Variants in ALOX12 observed in about 807,000 individuals in gnomAD.
ALOX12 encodes arachidonate 12-lipoxygenase, 12S type.
In ALOX12, 62 loss-of-function variants were observed where a neutral mutation model predicts 85.5. The ratio of observed to expected loss-of-function variants is 0.73; its 90% CI spans 0.59 to 0.90. ALOX12 has a LOEUF of 0.90. Among genes scored for constraint, ALOX12 ranks in the 40% least tolerant of loss-of-function variants. The probability of loss-of-function intolerance (pLI) is 0.00; values close to 1 mark genes in which losing one functional copy is unlikely to be tolerated. For missense variants in ALOX12, 751 were observed against 856.5 expected, an observed-to-expected ratio of 0.88 and a Z score of 1.54; for synonymous variants, 299 against 332.7, an observed-to-expected ratio of 0.90 and a Z score of 1.10.
intron 1 of ALOX12, 32 bp from the exon 2 acceptor site, chr17:6,996,794 T>C: frequency 6.3e-7 from 1 of 1,588,366 alleles, no homozygotes; most frequent in Non-Finnish European, 8.6e-7. Context: ...GGGTCCCTCC[T>C]ACTAAGTCTG....
Position 6,996,960 on chromosome 17 carries a change from G to A in ALOX12, c.270G>A (p.Ala90=). The A allele has an allele frequency of 1.3e-6, 2 of 1,590,198 alleles. No individual in the cohort carries two copies. The highest frequency in any genetic ancestry group is 1.1e-5 in the South Asian group (1 of 87,906). The change falls in exon 2 of 14, where the codon GCG becomes GCA. Residue 90 remains alanine (A), a synonymous_variant. Transcript: ENST00000251535. ...RITVQGPGAC[A]EVAFPCYRWV... ...CGGTGCAGGGCCCTGGAGCCTGCGC[G>A]GAGGTGGCCTTCCCGTGCTACCGCT...
chr17:7,005,976 C>T lies in ALOX12; in HGVS notation c.1367C>T (p.Pro456Leu). The change falls in exon 10 of 14, where the codon CCA (proline) becomes CTA (leucine). Residue 456 changes from proline (P) to leucine (L), a missense_variant. By Grantham distance (98) the Pro-to-Leu change is moderately conservative (BLOSUM62 -3). Coordinates refer to ENST00000251535, the MANE Select transcript of ALOX12 (RefSeq NM_000697.3). ...DLADRGLLGL[P>L]GALYAHDALR... ...GCTGACCGGGGCCTGCTGGGACTCC[C>T]AGGTGCTCTCTATGCCCATGATGCT... 1 of 1,605,374 alleles carries T rather than the reference C, an allele frequency of 6.2e-7. No individual in the cohort carries two copies. Among genetic ancestry groups the T allele is most frequent in the Non-Finnish European group, 8.5e-7 (1 of 1,177,336 alleles).
Position 7,003,344 on chromosome 17 carries a change from C to A in ALOX12, c.1161+1533C>A, listed in dbSNP as rs754674448. Among the ~76,000 whole-genome samples the A allele has an allele frequency of 6.2e-4, 95 of 152,220 alleles. 2 individuals are homozygous for A. The highest frequency in any genetic ancestry group is 2.9e-4 in the Non-Finnish European group (20 of 68,048). ...CCTCAATAATTTCCAGATGTCCTCA[C>A]ATGTTCCATCGTGAGGTTATTAAAG... On this transcript the variant is annotated intron_variant, in intron 8 of 13. Coordinates refer to ENST00000251535, the MANE Select transcript of ALOX12 (RefSeq NM_000697.3).
At chr17:7,007,399 T>C (rs1019713312) in intron 11 of ALOX12, among the ~76,000 whole-genome samples, 5 of 152,196 alleles carry the variant, frequency 3.3e-5, no homozygotes, top group African/African-American at 1.2e-4. Flanking sequence ...AATACCATCC[T>C]CTGCCTCTGT....
intron 10 of ALOX12, 46 bp downstream of exon 10, chr17:7,006,073 G>GGGGGGGGGGGA: frequency 6.4e-6 from 1 of 157,178 alleles, no homozygotes; most frequent in Admixed American, 6.0e-5. Flanking sequence ...GGGGGGGGGG[G>GGGGGGGGGGGA]GCTCTGGCCT....
intron 8 of ALOX12, among the ~76,000 whole-genome samples, chr17:7,003,975 GACAA>G (rs1908845032): frequency 2.0e-5 from 3 of 151,766 alleles, no homozygotes; most frequent in South Asian, 2.1e-4. Context: ...TGGAAAGGAA[GACAA>G]ACAGTCTAAG....
chr17:7,005,168 A>C (rs553366503), intron 8 of ALOX12, 89 bp from the exon 9 acceptor site: 1 of 1,119,048 alleles, frequency 8.9e-7, no homozygotes, highest in South Asian at 1.2e-5. Flanking sequence ...CATCAAGAGG[A>C]GAAGGCGCCA....
rs1311466514 is a variant in ALOX12 at position 6,998,826 on chromosome 17, A to C, written c.531A>C (p.Thr177=). 1.2e-6 allele frequency: 2 copies of C among 1,614,086 alleles called. No homozygotes were observed. The highest frequency in any genetic ancestry group is 2.7e-5 in the African/African-American group (2 of 74,920). ...AGAAGAGGCTGGACTTTGAATGGAC[A>C]CTGAAGGCAGGGTGAGAAAAAGGCT... is the stretch of plus-strand genomic sequence containing the variant. ...HEEKRLDFEW[T]LKAGALEMAL... The change falls in exon 4 of 14, where the codon ACA becomes ACC. Residue 177 remains threonine (T), a synonymous_variant. Coordinates refer to ENST00000251535, the MANE Select transcript of ALOX12 (RefSeq NM_000697.3).
chr17:6,996,523 T>C (rs1018858980), intron 1 of ALOX12, among the ~76,000 whole-genome samples: 1 of 150,714 alleles, frequency 6.6e-6, no homozygotes, highest in African/African-American at 2.4e-5. Context: ...AGAGCCAATG[T>C]AAGTATGAGG....
chr17:7,010,112 C>T lies in ALOX12; in HGVS notation c.1798C>T (p.Arg600Cys), dbSNP rs1453402072. Residue 600 changes from arginine to cysteine, a missense_variant, in exon 13 of 14, where the codon CGC becomes TGC. Coordinates refer to ENST00000251535, the MANE Select transcript of ALOX12 (RefSeq NM_000697.3). ...GGCCATCTCATGGCATCTGAGTCGC[C>T]GCCAGCCAGACATGGTGAGAGGGGA... Reference protein sequence around the residue: ...QMAISWHLSRRQPDMVPLGHH... With the variant: ...QMAISWHLSRCQPDMVPLGHH... 3.1e-6 allele frequency: 5 copies of T among 1,611,856 alleles called. No individual in the cohort carries two copies. The South Asian group carries it at 3.3e-5, about 11-fold the overall frequency.
intron 8 of ALOX12, 65 bp from the exon 9 acceptor site, chr17:7,005,192 G>A: frequency 7.1e-7 from 1 of 1,417,170 alleles, no homozygotes; most frequent in Non-Finnish European, 1.0e-6. Context: ...TGGGTGCCAG[G>A]CCCTACCAGG....
At position 7,001,709 on chromosome 17, in the gene ALOX12, A is replaced by G. The variant is rs774866326; in HGVS notation, c.1059A>G (p.Gln353=). Residue 353 remains glutamine, a synonymous_variant, in exon 8 of 14, where the codon CAA becomes CAG. Transcript: ENST00000251535. ...CCTGGGTCCGAAATTCAGATTTCCA[A>G]CTGCACGAGATCCAGTATCACTTGC... The part of the protein sequence containing the change: ...AKSWVRNSDF[Q]LHEIQYHLLN... 45 of 1,613,944 alleles carry G rather than the reference A, an allele frequency of 2.8e-5. No individual in the cohort carries two copies. The highest frequency in any genetic ancestry group is 3.3e-4 in the Middle Eastern group (2 of 6,084).
intron 1 of ALOX12, among the ~76,000 whole-genome samples, 173 bp downstream of exon 1, chr17:6,996,425 C>A (rs756634201): frequency 1.6e-4 from 25 of 152,126 alleles, no homozygotes; most frequent in African/African-American, 5.8e-4. Flanking sequence ...GGACAGGGTC[C>A]GCAGCTGGGA....
chr17:6,999,811 A>G (rs949237189), intron 6 of ALOX12, among the ~76,000 whole-genome samples: 29 of 152,178 alleles, frequency 1.9e-4, no homozygotes, highest in African/African-American at 7.0e-4. Context: ...GAGGCTTTCT[A>G]GAAAAAGAGA....
Position 7,000,355 on chromosome 17 carries a change from C to G in ALOX12, c.827C>G (p.Ala276Gly). The change falls in exon 7 of 14, where the codon GCT (alanine) becomes GGT (glycine). Residue 276 changes from alanine (A) to glycine (G), a missense_variant. Coordinates refer to ENST00000251535, the MANE Select transcript of ALOX12 (RefSeq NM_000697.3). The surrounding 1 kb of genome is among the most constrained non-coding windows in gnomAD (Gnocchi z 4.6). ...CCCCAGAATGGTTCCCTGTTTGAAG[C>G]TGACTTCATCCTTCTGGATGGAATT... ...KELQNGSLFE[A>G]DFILLDGIPA... 1.9e-6 allele frequency: 3 copies of G among 1,614,160 alleles called. No individual in the cohort carries two copies. The highest frequency in any genetic ancestry group is 2.5e-6 in the Non-Finnish European group (3 of 1,180,024).
chr17:7,003,252 C>G (rs2440129), intron 8 of ALOX12, among the ~76,000 whole-genome samples: 103,491 of 152,032 alleles, frequency 0.68, 35,362 homozygotes, highest in South Asian at 0.77. Flanking sequence ...CAAGCCTGCA[C>G]ATGTCTTAAC....
chr17:6,999,066 TC>T lies in ALOX12; in HGVS notation c.646+14del, dbSNP rs913194773. On this transcript the variant is annotated intron_variant, in intron 5 of 13. Transcript: ENST00000251535. ...AAGAGTGCCCTGGCTGGTCAGTGGT[TC>T]CCCGAGGTCTCCATAATCCCTTAAT... The T allele has an allele frequency of 6.2e-7, 1 of 1,611,568 alleles. No homozygotes were observed. The highest frequency in any genetic ancestry group is 1.3e-5 in the African/African-American group (1 of 74,966).
At chr17:7,003,625 A>T (rs2920420) in intron 8 of ALOX12, among the ~76,000 whole-genome samples, 1 of 151,858 alleles carries the variant, frequency 6.6e-6, no homozygotes, top group African/African-American at 2.4e-5. Context: ...ACAGGGTTTC[A>T]CTATGTGGCC....
chr17:7,010,021 G>A lies in ALOX12; in HGVS notation c.1707G>A (p.Lys569=). 6.2e-7 allele frequency: 1 copy of A among 1,614,214 alleles called. No individual in the cohort carries two copies. Among genetic ancestry groups the A allele is most frequent in the Middle Eastern group, 1.6e-4 (1 of 6,062 alleles). The change falls in exon 13 of 14, where the codon AAG becomes AAA. Residue 569 remains lysine, a synonymous_variant. Coordinates refer to ENST00000251535, the MANE Select transcript of ALOX12 (RefSeq NM_000697.3). ...CTMRMPPPTT[K]EDVTMATVMG... is the part of the protein sequence containing the mutation. ...TGCGGATGCCCCCACCCACCACCAA[G>A]GAAGATGTGACGATGGCCACAGTGA...
Sources: allele counts gnomAD v4.1 joint callset (sites outside exome capture counted in the v4.1 genomes callset), GRCh38; gene constraint gnomAD v4.1.1; non-coding constraint Gnocchi (gnomAD v3.1); transcripts MANE v1.5; gene names NCBI Gene and HGNC (gene_info 2026-07-23, HGNC 2026-07-21).